MAF: variants seen among roughly 807,000 people sequenced by gnomAD.
MAF encodes the protein transcription factor Maf.
In MAF, 10 loss-of-function variants were observed where a neutral mutation model predicts 22.0. That is an observed-to-expected ratio of 0.45 (90% CI 0.28 to 0.77). MAF has a LOEUF of 0.77. Ranked by LOEUF, MAF falls within the 30% of genes least tolerant of loss-of-function variation. The pLI, the probability that MAF is intolerant of heterozygous loss-of-function variation, is 0.12. For missense variants in MAF, 544 were observed against 548.4 expected (o/e 0.99, Z 0.08); for synonymous variants, 337 against 255.8 (o/e 1.32, Z -3.03).
the MAF span, among the ~76,000 whole-genome samples, chr16:79,447,086 C>T: frequency 1.4e-5 from 2 of 147,754 alleles, no homozygotes; most frequent in African/African-American, 5.0e-5. Context: ...AAAATTATTT[C>T]ATGGAGACAT....
the MAF span, among the ~76,000 whole-genome samples, chr16:79,316,442 C>T: frequency 6.6e-6 from 1 of 152,172 alleles, no homozygotes; most frequent in Admixed American, 6.5e-5. Context: ...CCTGCTCTAG[C>T]GCCAACATTT....
At chr16:79,359,505 A>T in the MAF span, among the ~76,000 whole-genome samples, 1 of 152,224 alleles carries the variant, frequency 6.6e-6, no homozygotes, top group East Asian at 1.9e-4. Context: ...GCTAATGCTT[A>T]ATGTGCTCTA....
the MAF span, among the ~76,000 whole-genome samples, chr16:79,383,199 A>G: frequency 6.6e-6 from 1 of 151,854 alleles, no homozygotes; most frequent in Admixed American, 6.6e-5. Flanking sequence ...GGGTACTTAA[A>G]CTCCAACTGA....
At chr16:79,408,772 C>A in the MAF span, among the ~76,000 whole-genome samples, 58 of 151,934 alleles carry the variant, frequency 3.8e-4, 1 homozygote, top group East Asian at 9.5e-3. Flanking sequence ...ATTCCAGAAA[C>A]TAAACTAGAT....
the MAF span, among the ~76,000 whole-genome samples, chr16:79,374,513 T>C: frequency 5.9e-5 from 9 of 152,342 alleles, no homozygotes; most frequent in Non-Finnish European, 1.3e-4. Context: ...CAAGAACCCC[T>C]TTTTTGTATC....
the MAF span, among the ~76,000 whole-genome samples, chr16:79,303,770 C>G: frequency 2.0e-5 from 3 of 152,098 alleles, no homozygotes; most frequent in Non-Finnish European, 4.4e-5. Flanking sequence ...CTGCCACAAG[C>G]CAATGTTTAT....
At chr16:79,403,081 C>T in the MAF span, among the ~76,000 whole-genome samples, 1 of 152,170 alleles carries the variant, frequency 6.6e-6, no homozygotes, top group Admixed American at 6.5e-5. Context: ...GATGACTTCA[C>T]CTGCATGCCA....
the MAF span, among the ~76,000 whole-genome samples, chr16:79,420,749 G>A: frequency 6.6e-6 from 1 of 152,380 alleles, no homozygotes; most frequent in East Asian, 1.9e-4. Context: ...ATATTTTGAG[G>A]CTTGACGCGG....
chr16:79,505,873 G>A, the MAF span, among the ~76,000 whole-genome samples: 1 of 152,128 alleles, frequency 6.6e-6, no homozygotes, highest in South Asian at 2.1e-4. Context: ...CAGAATGCGG[G>A]AGAACTTGGG....
At chr16:79,358,305 G>C in the MAF span, among the ~76,000 whole-genome samples, 4 of 152,202 alleles carry the variant, frequency 2.6e-5, no homozygotes, top group African/African-American at 9.6e-5. Context: ...ACAGGGTGAT[G>C]ATTGCTAGGA....
At chr16:79,274,509 C>T in the MAF span, among the ~76,000 whole-genome samples, 2 of 152,236 alleles carry the variant, frequency 1.3e-5, no homozygotes, top group East Asian at 3.9e-4. Flanking sequence ...GGAGCACTGA[C>T]AGCACATGGA....
the MAF span, among the ~76,000 whole-genome samples, chr16:79,533,536 G>A: frequency 6.6e-6 from 1 of 152,184 alleles, no homozygotes; most frequent in African/African-American, 2.4e-5. Flanking sequence ...GAGGAAGACA[G>A]AGGAAGACGG....
chr16:79,230,452 G>T, the MAF span, among the ~76,000 whole-genome samples: 1 of 152,154 alleles, frequency 6.6e-6, no homozygotes, highest in East Asian at 1.9e-4. Flanking sequence ...CCCTGCCCTT[G>T]CCCGGGTGGG....
At chr16:79,227,346 G>T in the MAF span, among the ~76,000 whole-genome samples, 2 of 152,058 alleles carry the variant, frequency 1.3e-5, no homozygotes, top group African/African-American at 2.4e-5. Context: ...AGGATACCCT[G>T]TCTCACACAA....
At chr16:79,570,011 CTTTTTTT>C in the MAF span, among the ~76,000 whole-genome samples, 8 of 116,930 alleles carry the variant, frequency 6.8e-5, no homozygotes, top group East Asian at 1.8e-3. Flanking sequence ...TGTCTTTGTT[CTTTTTTT>C]TTTTTTTTTT....
chr16:79,374,151 G>A, the MAF span, among the ~76,000 whole-genome samples: 1 of 152,268 alleles, frequency 6.6e-6, no homozygotes, highest in Non-Finnish European at 1.5e-5. Flanking sequence ...TGACCCAAAG[G>A]CAATCCCGGT....
the MAF span, chr16:79,212,476 T>G: frequency 8.9e-6 from 2 of 225,518 alleles, no homozygotes; most frequent in Non-Finnish European, 8.9e-6. Context: ...ATTCCTTAGA[T>G]ACCTTGAAAG....
At chr16:79,271,419 C>T in the MAF span, among the ~76,000 whole-genome samples, 13 of 152,130 alleles carry the variant, frequency 8.5e-5, no homozygotes, top group South Asian at 2.1e-4. Context: ...CACAAATGCC[C>T]GGTAACCTTA....
the MAF span, among the ~76,000 whole-genome samples, chr16:79,382,348 T>C: frequency 6.6e-6 from 1 of 152,214 alleles, no homozygotes; most frequent in African/African-American, 2.4e-5. Flanking sequence ...TGCATATGCA[T>C]AGGTTTTATA....
Sources: gnomAD v4.1 joint callset for allele counts (sites outside exome capture counted in the v4.1 genomes callset) on GRCh38, gnomAD v4.1.1 for gene constraint, MANE v1.5 for transcripts, NCBI Gene and HGNC (gene_info 2026-07-23, HGNC 2026-07-21) for gene names.